DBH: variants seen among roughly 807,000 people sequenced by gnomAD.
DBH encodes dopamine beta-hydroxylase (dopamine beta-monooxygenase).
Under a neutral mutation model 64.0 loss-of-function variants are expected in DBH, and 49 were observed. That is an observed-to-expected ratio of 0.77 (90% CI 0.61 to 0.97). The LOEUF (loss-of-function observed/expected upper bound fraction) is 0.97, where lower values mean the gene tolerates loss of function less well. Among genes scored for constraint, DBH ranks in the 50% least tolerant of loss-of-function variants. The probability of loss-of-function intolerance (pLI) is 0.00; values close to 1 mark genes in which losing one functional copy is unlikely to be tolerated. For synonymous variants in DBH, 343 were observed against 347.1 expected, an observed-to-expected ratio of 0.99 and a Z score of 0.13; for missense variants, 828 against 826.6, an observed-to-expected ratio of 1.00 and a Z score of -0.02.
At chr9:133,639,706 C>A in intron 1 of DBH, 140 bp from the exon 2 acceptor site, 1 of 903,170 alleles carries the variant, frequency 1.1e-6, no homozygotes, top group Non-Finnish European at 1.7e-6. Context: ...GCAGAACCCT[C>A]AGATCCACAG....
chr9:133,644,089 C>T, intron 4 of DBH, 129 bp from the exon 5 acceptor site: 2 of 771,534 alleles, frequency 2.6e-6, no homozygotes, highest in East Asian at 2.5e-5. Context: ...GGAAGCATCG[C>T]TCTAATCCTG....
chr9:133,650,550 T>C (rs1441584360), intron 6 of DBH, among the ~76,000 whole-genome samples: 27 of 121,566 alleles, frequency 2.2e-4, no homozygotes, highest in Admixed American at 8.5e-4. Context: ...TTCCTTCCTT[T>C]CTTTTTTTTT....
intron 9 of DBH, 200 bp from the exon 10 acceptor site, chr9:133,656,323 G>GACTC (rs908597132): frequency 3.2e-6 from 2 of 626,622 alleles, no homozygotes; most frequent in South Asian, 1.9e-5. Context: ...TTTCCTGGTT[G>GACTC]ACTCACTCAC....
chr9:133,652,999 G>T lies in DBH; in HGVS notation c.1434G>T (p.Val478=). The change falls in exon 9 of 12, where the codon GTG becomes GTT. Residue 478 remains valine, a splice_region_variant and synonymous_variant. Transcript: ENST00000393056. ...YNTEDRELAT[V]GGFGILEEMC... is the part of the protein sequence containing the mutation. ...CAGAAGACCGGGAGCTGGCCACAGT[G>T]GTAAGTCACCCCCGCTTCCCCCTGC... 1 of 1,611,990 alleles carries T rather than the reference G, an allele frequency of 6.2e-7. No homozygotes were observed. Among genetic ancestry groups the T allele is most frequent in the South Asian group, 1.1e-5 (1 of 91,048 alleles).
At chr9:133,650,965 C>T (rs896455781) in intron 6 of DBH, among the ~76,000 whole-genome samples, 4 of 152,230 alleles carry the variant, frequency 2.6e-5, no homozygotes, top group African/African-American at 7.2e-5. Flanking sequence ...TGAGGGCTGC[C>T]ATCTTTTCTG....
chr9:133,651,327 CTGAG>C (rs1564212821), intron 6 of DBH, among the ~76,000 whole-genome samples: 1 of 152,232 alleles, frequency 6.6e-6, no homozygotes, highest in Non-Finnish European at 1.5e-5. Flanking sequence ...GGCCTGTTGA[CTGAG>C]TGAAGATGAA....
At chr9:133,652,798 T>G (rs1832266618) in intron 8 of DBH, 142 bp from the exon 9 acceptor site, 2 of 700,534 alleles carry the variant, frequency 2.9e-6, no homozygotes, top group African/African-American at 3.6e-5. Context: ...ATGAATCTGC[T>G]GGGCTCCTTG....
intron 5 of DBH, among the ~76,000 whole-genome samples, chr9:133,647,247 T>C (rs750547070): frequency 2.6e-5 from 4 of 152,208 alleles, no homozygotes; most frequent in Non-Finnish European, 4.4e-5. Flanking sequence ...ATGTGCTCCT[T>C]GAATGCTTCT....
chr9:133,648,900 A>G (rs1308262990), intron 6 of DBH, among the ~76,000 whole-genome samples: 2 of 152,150 alleles, frequency 1.3e-5, no homozygotes, highest in Non-Finnish European at 2.9e-5. Context: ...GTAGGAAACC[A>G]TTTTCTCATG....
rs762386119 is a variant in DBH, at chr9:133,639,871, A to AG, written c.366dup (p.Ile123AspfsTer40). 4 of 1,612,268 alleles carry AG rather than the reference A, an allele frequency of 2.5e-6. No homozygotes were observed. The African/African-American group carries it at 5.3e-5, about 22-fold the overall frequency. On this transcript the variant is annotated frameshift_variant, in exon 2 of 12. Coordinates refer to ENST00000393056, the MANE Select transcript of DBH (RefSeq NM_000787.4). LOFTEE classifies it high-confidence loss of function. ...GACGCCTGGAGTGACCAGAAGGGGC[A>AG]GATCCACCTGGATCCCCAGCAGGAC...
chr9:133,656,572 AC>A lies in DBH; in HGVS notation c.1489del (p.Gln497ArgfsTer56). 1 of 1,613,590 alleles carries A rather than the reference AC, an allele frequency of 6.2e-7. No individual in the cohort carries two copies. The highest frequency in any genetic ancestry group is 2.2e-5 in the East Asian group (1 of 44,854). ...EEMCVNYVHY[Y>X]PQTQLELCKS... ...ATGTGTGTCAACTACGTGCACTACT[AC>A]CCCCAGACGCAGCTGGAGCTCTGCA... is the stretch of plus-strand genomic sequence containing the variant. On this transcript the variant is annotated frameshift_variant, in exon 10 of 12. Transcript: ENST00000393056. LOFTEE classifies it high-confidence loss of function.
intron 8 of DBH, 105 bp downstream of exon 8, chr9:133,652,389 G>A: frequency 7.1e-7 from 1 of 1,406,620 alleles, no homozygotes; most frequent in Non-Finnish European, 9.9e-7. Context: ...AGTGATAGGG[G>A]GAGGGAGAGC....
rs775827929 is a variant in DBH, at chr9:133,658,397, C to T, written c.1804C>T (p.Arg602Ter). Residue 602 changes from arginine (R) to a stop codon, truncating the protein, a stop_gained, in exon 12 of 12, where the codon CGA (arginine) becomes TGA (stop). Coordinates refer to ENST00000393056, the MANE Select transcript of DBH (RefSeq NM_000787.4). LOFTEE classifies it low-confidence loss of function (END_TRUNC). ...CCCACAGTGCCCCACCAGCCAGGGC[C>T]GAAGCCCTGCTGGCCCCACCGTTGT... ...PTPQCPTSQG[R>*]SPAGPTVVSI... 2.7e-5 allele frequency: 44 copies of T among 1,613,622 alleles called. No homozygotes were observed. Among genetic ancestry groups the T allele is most frequent in the East Asian group, 6.7e-5 (3 of 44,866 alleles).
At chr9:133,650,459 C>CT (rs200207629) in intron 6 of DBH, among the ~76,000 whole-genome samples, 8,148 of 148,512 alleles carry the variant, frequency 0.055, 468 homozygotes, top group African/African-American at 0.15. Context: ...TCTTTCCTTT[C>CT]TTTTCTTTTT....
chr9:133,640,504 G>A (rs1215678852), intron 2 of DBH, among the ~76,000 whole-genome samples: 1 of 152,226 alleles, frequency 6.6e-6, no homozygotes, highest in Non-Finnish European at 1.5e-5. Context: ...GGGAGTTCAT[G>A]GGAGCCATAA....
intron 5 of DBH, 93 bp downstream of exon 5, chr9:133,644,413 G>A (rs1832157635): frequency 9.9e-7 from 1 of 1,006,502 alleles, no homozygotes; most frequent in East Asian, 2.5e-5. Context: ...GCCCAGCATG[G>A]TGCCCCCGCT....
chr9:133,650,442 C>CT (rs59091279), intron 6 of DBH, among the ~76,000 whole-genome samples: 8,234 of 149,964 alleles, frequency 0.055, 470 homozygotes, highest in African/African-American at 0.15. Context: ...TCCTTCTTTC[C>CT]TTCTTTTCTT....
chr9:133,636,484 A>G lies in DBH; in HGVS notation c.113A>G (p.Gln38Arg). Residue 38 changes from glutamine to arginine, a missense_variant, in exon 1 of 12, where the codon CAG (glutamine) becomes CGG (arginine). Transcript: ENST00000393056. ...CTGGTCATCCTGGTGGCCGCACTGC[A>G]GGGCTCGGCTCCCCGTGAGAGCCCC... The part of the protein sequence containing the change: ...IFLVILVAAL[Q>R]GSAPRESPLP... The G allele has an allele frequency of 6.2e-7, 1 of 1,613,234 alleles. No individual in the cohort carries two copies. The highest frequency in any genetic ancestry group is 8.5e-7 in the Non-Finnish European group (1 of 1,179,944).
intron 5 of DBH, 97 bp downstream of exon 5, chr9:133,644,417 C>T: frequency 1.0e-6 from 1 of 952,650 alleles, no homozygotes; most frequent in Non-Finnish European, 1.7e-6. Context: ...AGCATGGTGC[C>T]CCCGCTGTAC....
Sources: allele counts gnomAD v4.1 joint callset (sites outside exome capture counted in the v4.1 genomes callset), GRCh38; gene constraint gnomAD v4.1.1; transcripts MANE v1.5; gene names NCBI Gene and HGNC (gene_info 2026-07-23, HGNC 2026-07-21).